UNC79: variants seen among roughly 807,000 people sequenced by gnomAD.
The protein encoded by UNC79 is protein unc-79 homolog.
In UNC79, 37 loss-of-function variants were observed where a neutral mutation model predicts 283.1. That is an observed-to-expected ratio of 0.13 (90% CI 0.10 to 0.17). UNC79 has a LOEUF of 0.17. Among genes scored for constraint, UNC79 ranks in the 10% least tolerant of loss-of-function variants. UNC79 has a pLI of 1.00. For synonymous variants in UNC79, 1,107 were observed against 1,200.2 expected, an observed-to-expected ratio of 0.92 and a Z score of 1.61; for missense variants, 2,272 against 3,211.1, an observed-to-expected ratio of 0.71 and a Z score of 7.07.
intron 7 of UNC79, among the ~76,000 whole-genome samples, chr14:93,513,766 T>G (rs2059935641): frequency 1.3e-5 from 2 of 152,222 alleles, no homozygotes; most frequent in Non-Finnish European, 2.9e-5. Context: ...ATATTGGAAC[T>G]TATTCCTTCT....
chr14:93,361,921 A>C (rs1325587193), intron 1 of UNC79, among the ~76,000 whole-genome samples: 5 of 152,234 alleles, frequency 3.3e-5, no homozygotes, highest in African/African-American at 1.2e-4. Context: ...GAATTTTATC[A>C]AAAGCCTTTT....
At chr14:93,632,702 G>A (rs1407025633) in intron 31 of UNC79, among the ~76,000 whole-genome samples, 1 of 151,468 alleles carries the variant, frequency 6.6e-6, no homozygotes, top group Non-Finnish European at 1.5e-5. Flanking sequence ...AAAAAAAAAT[G>A]AAGAAATAAA....
intron 7 of UNC79, among the ~76,000 whole-genome samples, chr14:93,504,907 A>G (rs1417912062): frequency 6.6e-6 from 1 of 152,036 alleles, no homozygotes; most frequent in Non-Finnish European, 1.5e-5. Flanking sequence ...ATCCTGTGCT[A>G]TGCTGATTTC....
At chr14:93,524,730 TA>T (rs1469624046) in intron 8 of UNC79, among the ~76,000 whole-genome samples, 2 of 152,186 alleles carry the variant, frequency 1.3e-5, no homozygotes, top group Non-Finnish European at 2.9e-5. Context: ...TTAAGAAAAT[TA>T]TTTATGATAT....
At chr14:93,559,448 TTTTAATCACCTGGG>T (rs1463044522) in intron 14 of UNC79, among the ~76,000 whole-genome samples, 1 of 152,210 alleles carries the variant, frequency 6.6e-6, no homozygotes, top group Non-Finnish European at 1.5e-5. Context: ...CACTAAAGCT[TTTTAATCACCTGGG>T]TGCAGGTGGG....
intron 25 of UNC79, among the ~76,000 whole-genome samples, chr14:93,602,511 A>G (rs2065584901): frequency 6.6e-6 from 1 of 152,180 alleles, no homozygotes. Flanking sequence ...ATAGCCTTGT[A>G]GTATAGTTTA....
At chr14:93,392,312 A>G (rs1056146807) in intron 1 of UNC79, among the ~76,000 whole-genome samples, 4 of 152,248 alleles carry the variant, frequency 2.6e-5, no homozygotes, top group African/African-American at 9.6e-5. Context: ...GAAGGACAGA[A>G]GCAAGACCAA....
chr14:93,653,641 A>T, intron 35 of UNC79, 101 bp from the exon 39 acceptor site: 1 of 999,782 alleles, frequency 1.0e-6, no homozygotes, highest in South Asian at 1.5e-5. Context: ...GAGCTATCCC[A>T]TCAGAGGCAT....
chr14:93,522,431 A>G (rs887803826), intron 7 of UNC79, among the ~76,000 whole-genome samples: 5 of 152,050 alleles, frequency 3.3e-5, no homozygotes, highest in Admixed American at 3.3e-4. Context: ...GCAGGAAGGA[A>G]TGCTGTAATG....
intron 40 of UNC79, among the ~76,000 whole-genome samples, chr14:93,663,049 T>C (rs952996281): frequency 2.0e-5 from 3 of 152,182 alleles, no homozygotes; most frequent in Non-Finnish European, 4.4e-5. Flanking sequence ...CATCATCCCA[T>C]GATTAGTGGG....
At chr14:93,701,398 A>G (rs2075520025) in intron 47 of UNC79, among the ~76,000 whole-genome samples, 1 of 152,234 alleles carries the variant, frequency 6.6e-6, no homozygotes, top group Non-Finnish European at 1.5e-5. Context: ...CAGGATTGAA[A>G]TGAGTACAGT....
At chr14:93,485,732 G>A (rs921015359) in intron 4 of UNC79, among the ~76,000 whole-genome samples, 41 of 152,244 alleles carry the variant, frequency 2.7e-4, no homozygotes, top group African/African-American at 9.9e-4. Context: ...AGCCAAACTA[G>A]TTTATCTCCC....
intron 1 of UNC79, among the ~76,000 whole-genome samples, chr14:93,381,878 A>G (rs2054672795): frequency 6.6e-6 from 1 of 152,130 alleles, no homozygotes; most frequent in Non-Finnish European, 1.5e-5. Flanking sequence ...CCTTTCTTTC[A>G]CCTTGACTCT....
intron 30 of UNC79, among the ~76,000 whole-genome samples, chr14:93,627,965 T>C (rs1238046506): frequency 6.6e-6 from 1 of 152,222 alleles, no homozygotes; most frequent in Non-Finnish European, 1.5e-5. Flanking sequence ...CTGACCTAGA[T>C]GAACTGCTAG....
At chr14:93,540,213 C>CT (rs1346927068) in intron 12 of UNC79, among the ~76,000 whole-genome samples, 1 of 152,208 alleles carries the variant, frequency 6.6e-6, no homozygotes, top group Non-Finnish European at 1.5e-5. Context: ...CACTGTTTCA[C>CT]TTTCGTGTCT....
chr14:93,594,817 A>G (rs368763414), intron 23 of UNC79, among the ~76,000 whole-genome samples: 1 of 152,242 alleles, frequency 6.6e-6, no homozygotes, highest in East Asian at 1.9e-4. Context: ...GGCATGCCAC[A>G]GTGTGGCTTC....
intron 11 of UNC79, among the ~76,000 whole-genome samples, chr14:93,534,464 A>G (rs1196533813): frequency 6.6e-6 from 1 of 152,130 alleles, no homozygotes; most frequent in Non-Finnish European, 1.5e-5. Context: ...AGTGAATCTC[A>G]TTGGGGTCCT....
chr14:93,503,960 A>G (rs935197189), intron 7 of UNC79, among the ~76,000 whole-genome samples: 6 of 151,956 alleles, frequency 3.9e-5, no homozygotes, highest in Admixed American at 3.3e-4. Context: ...GTATGAGGTA[A>G]CGGCCAATCT....
chr14:93,680,249 G>A (rs553724405), intron 41 of UNC79, among the ~76,000 whole-genome samples: 24 of 152,320 alleles, frequency 1.6e-4, no homozygotes, highest in Middle Eastern at 3.4e-3. Flanking sequence ...GCACTTTGCT[G>A]AGTATTATAG....
Sources: gnomAD v4.1 joint callset for allele counts (sites outside exome capture counted in the v4.1 genomes callset) on GRCh38, gnomAD v4.1.1 for gene constraint, MANE v1.5 for transcripts, NCBI Gene and HGNC (gene_info 2026-07-23, HGNC 2026-07-21) for gene names.